Variants in HTR2C observed in about 807,000 individuals in gnomAD.
HTR2C encodes the protein 5-hydroxytryptamine receptor 2C.
A neutral mutation model predicts 21.0 loss-of-function variants in HTR2C; 5 were observed. That is an observed-to-expected ratio of 0.24 (90% CI 0.12 to 0.50). The LOEUF (loss-of-function observed/expected upper bound fraction) is 0.50, where lower values mean the gene tolerates loss of function less well. Ranked by LOEUF, HTR2C falls within the 20% of genes least tolerant of loss-of-function variation. The pLI is 0.98. For missense variants in HTR2C, 271 were observed against 371.2 expected (o/e 0.73, Z 2.22); for synonymous variants, 150 against 145.3 (o/e 1.03, Z -0.23).
chrX:114,644,362 A>ATATATATAT (rs1930262960), intron 2 of HTR2C, among the ~76,000 whole-genome samples: 10 of 38,246 alleles, frequency 2.6e-4, no homozygotes, highest in South Asian at 1.2e-3. Flanking sequence ...TAAATAAATA[A>ATATATATAT]ATATATATAT....
At chrX:114,850,071 T>A (rs997281201) in intron 5 of HTR2C, among the ~76,000 whole-genome samples, 1 of 111,635 alleles carries the variant, frequency 9.0e-6, no homozygotes, top group Non-Finnish European at 1.9e-5. Flanking sequence ...ACAAATGACA[T>A]TAAGATTTGA....
intron 2 of HTR2C, among the ~76,000 whole-genome samples, chrX:114,694,106 G>T: frequency 9.0e-6 from 1 of 111,001 alleles, no homozygotes; most frequent in East Asian, 2.8e-4. Flanking sequence ...AACTGCCTCA[G>T]ATTTTAGAAT....
chrX:114,617,820 CACTT>C (rs781962333), intron 2 of HTR2C, among the ~76,000 whole-genome samples: 11 of 111,702 alleles, frequency 9.8e-5, no homozygotes, highest in South Asian at 3.7e-4. Flanking sequence ...TATTTTATAT[CACTT>C]ACAGGAACTA....
intron 4 of HTR2C, among the ~76,000 whole-genome samples, chrX:114,783,757 A>G (rs1205977282): frequency 8.9e-6 from 1 of 111,936 alleles, no homozygotes; most frequent in Non-Finnish European, 1.9e-5. Flanking sequence ...CCGTAAACAT[A>G]TAAGTTAAAA....
intron 2 of HTR2C, among the ~76,000 whole-genome samples, chrX:114,671,388 T>A (rs1237989340): frequency 8.9e-6 from 1 of 112,137 alleles, no homozygotes; most frequent in Admixed American, 9.5e-5. Context: ...CCAGATTACG[T>A]GAAAATTATT....
chrX:114,754,407 A>G lies in HTR2C; in HGVS notation c.349+22800A>G, dbSNP rs2069790926. On this transcript the variant is annotated intron_variant, in intron 4 of 5. Transcript: ENST00000276198. Reference sequence around the variant, plus strand: ...TACCTGATATTAAGGATTACAAGACAGCTGCAGTAATCAAGATAATATCAT... The same window carrying G: ...TACCTGATATTAAGGATTACAAGACGGCTGCAGTAATCAAGATAATATCAT... Among the ~76,000 whole-genome samples the G allele has an allele frequency of 3.6e-5, 4 of 112,202 alleles. No homozygotes were observed. In the South Asian group the frequency reaches 1.5e-3, roughly 41 times the overall value.
chrX:114,758,141 T>C (rs1458544027), intron 4 of HTR2C, among the ~76,000 whole-genome samples: 3 of 112,183 alleles, frequency 2.7e-5, no homozygotes, highest in Admixed American at 9.5e-5. Flanking sequence ...TTGAATATTA[T>C]CACATTTATT....
rs947277061 is a variant in HTR2C at position 114,708,894 on chromosome X, G to A, written c.-79-17964G>A. Among the ~76,000 whole-genome samples, 3 of 111,344 alleles carry A rather than the reference G, an allele frequency of 2.7e-5. No individual in the cohort carries two copies. In the Admixed American group the frequency reaches 2.9e-4, roughly 11 times the overall value. Reference sequence around the variant, plus strand: ...TTAACTATATGGCTTAGAGAGAAAAGGCATTCTTTGGCAAATCTTAAATGA... The same window carrying A: ...TTAACTATATGGCTTAGAGAGAAAAAGCATTCTTTGGCAAATCTTAAATGA... On this transcript the variant is annotated intron_variant, in intron 2 of 5. Transcript: ENST00000276198.
chrX:114,791,641 C>T (rs1481974976), intron 4 of HTR2C, among the ~76,000 whole-genome samples: 32 of 110,762 alleles, frequency 2.9e-4, no homozygotes, highest in African/African-American at 1.0e-3. Flanking sequence ...TTCATTCATT[C>T]ATTCATTCAT....
At chrX:114,730,616 C>G in intron 3 of HTR2C, among the ~76,000 whole-genome samples, 1 of 111,517 alleles carries the variant, frequency 9.0e-6, no homozygotes, top group Non-Finnish European at 1.9e-5. Flanking sequence ...TCAAAACCCA[C>G]TGTACCTCTT....
At chrX:114,718,459 A>G (rs782645000) in intron 2 of HTR2C, among the ~76,000 whole-genome samples, 73 of 112,207 alleles carry the variant, frequency 6.5e-4, no homozygotes, top group African/African-American at 2.2e-3. Context: ...CATAGATTTC[A>G]TAGGCATGAA....
intron 2 of HTR2C, among the ~76,000 whole-genome samples, chrX:114,700,891 C>T (rs891061865): frequency 1.6e-4 from 18 of 112,117 alleles, no homozygotes; most frequent in Non-Finnish European, 3.2e-4. Context: ...TAAAAAACAG[C>T]GCACCAGGAG....
chrX:114,776,194 A>G (rs782335152), intron 4 of HTR2C: 36 of 555,621 alleles, frequency 6.5e-5, no homozygotes, highest in Non-Finnish European at 1.1e-4. Context: ...AGATAAACAC[A>G]TTTCTTTCAG....
chrX:114,751,675 CA>C (rs1347205717), intron 4 of HTR2C, among the ~76,000 whole-genome samples: 1 of 111,567 alleles, frequency 9.0e-6, no homozygotes, highest in Non-Finnish European at 1.9e-5. Flanking sequence ...TAATATGCTT[CA>C]AAATGATTAT....
At chrX:114,746,911 G>T (rs2069710766) in intron 4 of HTR2C, among the ~76,000 whole-genome samples, 1 of 111,649 alleles carries the variant, frequency 9.0e-6, no homozygotes, top group Non-Finnish European at 1.9e-5. Flanking sequence ...TGTGAACCCG[G>T]GAGGGGGAGC....
At chrX:114,889,478 T>A (rs2071243905) in intron 5 of HTR2C, among the ~76,000 whole-genome samples, 1 of 112,213 alleles carries the variant, frequency 8.9e-6, no homozygotes, top group Admixed American at 9.5e-5. Context: ...ATCCTACACA[T>A]GCAGGTGTCC....
chrX:114,906,865 A>C lies in HTR2C; in HGVS notation c.827A>C (p.Asn276Thr). The C allele has an allele frequency of 1.7e-6, 2 of 1,211,199 alleles. No individual in the cohort carries two copies. Among genetic ancestry groups the C allele is most frequent in the Non-Finnish European group, 2.2e-6 (2 of 895,420 alleles). ...AAGAGGAATACGGCCGAGGAAGAGA[A>C]CTCTGCAAACCCTAACCAAGACCAG... ...CCKRNTAEEE[N>T]SANPNQDQNA... Residue 276 changes from asparagine to threonine, a missense_variant, in exon 6 of 6, where the codon AAC becomes ACC. By Grantham distance (65) the Asn-to-Thr change is moderately conservative (BLOSUM62 0). Coordinates refer to ENST00000276198, the MANE Select transcript of HTR2C (RefSeq NM_000868.4).
chrX:114,727,049 T>G, intron 3 of HTR2C, 78 bp downstream of exon 3: 1 of 579,139 alleles, frequency 1.7e-6, no homozygotes, highest in Non-Finnish European at 2.6e-6. Context: ...AAAAAAATGC[T>G]TCTATATGAT....
chrX:114,706,705 T>C (rs944005179), intron 2 of HTR2C, among the ~76,000 whole-genome samples: 1 of 109,204 alleles, frequency 9.2e-6, no homozygotes, highest in Non-Finnish European at 1.9e-5. Flanking sequence ...AAACTTAAAG[T>C]ATAATAATAA....
Sources: gnomAD v4.1 joint callset for allele counts (sites outside exome capture counted in the v4.1 genomes callset) on GRCh38, gnomAD v4.1.1 for gene constraint, MANE v1.5 for transcripts, NCBI Gene and HGNC (gene_info 2026-07-23, HGNC 2026-07-21) for gene names.